Variants in FRMD8 observed in about 807,000 individuals in gnomAD.
The protein encoded by FRMD8 is FERM domain containing 8.
FRMD8 carries 37 observed loss-of-function variants against 54.2 expected under a neutral mutation model. The ratio of observed to expected loss-of-function variants is 0.68; its 90% CI spans 0.53 to 0.90. The LOEUF (loss-of-function observed/expected upper bound fraction) is 0.90. Among genes scored for constraint, FRMD8 ranks in the 40% least tolerant of loss-of-function variants. The pLI, the probability that FRMD8 is intolerant of heterozygous loss-of-function variation, is 0.00. For missense variants in FRMD8, 585 were observed against 653.7 expected (o/e 0.89, Z 1.15); for synonymous variants, 246 against 286.9 (o/e 0.86, Z 1.44).
the FRMD8 span, chr11:65,380,616 C>T: frequency 4.4e-5 from 57 of 1,292,332 alleles, no homozygotes; most frequent in Middle Eastern, 4.2e-4. Flanking sequence ...CAGCTGGCCA[C>T]GCAGAACTGC....
At chr11:65,388,635 T>C (rs924105206) in intron 2 of FRMD8, among the ~76,000 whole-genome samples, 2 of 152,120 alleles carry the variant, frequency 1.3e-5, no homozygotes, top group Admixed American at 1.3e-4. Flanking sequence ...CTCTTCCAGG[T>C]GTCTCCATTT....
At chr11:65,381,586 GT>G in the FRMD8 span, 1 of 13,524 alleles carries the variant, frequency 7.4e-5, no homozygotes, top group African/African-American at 2.4e-4. Flanking sequence ...TTTTTTTTTT[GT>G]GGCAGGGTCT....
rs146012466 is a variant in FRMD8 at position 65,405,138 on chromosome 11, G to A, written c.1276+70G>A. On this transcript the variant is annotated intron_variant, in intron 10 of 10. Transcript: ENST00000317568. ...CGTGCACACACCGGGGGGAGTTCCT[G>A]AGGACAGGGCATTGCAGAGCAGCTC... The A allele has an allele frequency of 5.0e-5, 73 of 1,461,732 alleles. 1 individual carries two copies. In the East Asian group the frequency reaches 1.6e-3, roughly 33 times the overall value. 90.5% of individuals were successfully genotyped at this position (1,461,732 alleles called of 1,614,324 possible). A position where few individuals can be genotyped will look rare whatever the true frequency, so the allele number is the denominator to read the frequency against.
Position 65,394,244 on chromosome 11 carries a change from CA to C in FRMD8, c.415-14del, listed in dbSNP as rs779420725. On this transcript the variant is annotated splice_polypyrimidine_tract_variant and intron_variant, in intron 5 of 10. Coordinates refer to ENST00000317568, the MANE Select transcript of FRMD8 (RefSeq NM_031904.5). ...AGCCCAGCTGAGCGGCTGTCCCTGC[CA>C]CACCCCCCTGCAGATCCATGACGAG... The C allele has an allele frequency of 6.3e-6, 10 of 1,598,944 alleles. No individual in the cohort carries two copies. Among genetic ancestry groups the C allele is most frequent in the African/African-American group, 4.0e-5 (3 of 74,350 alleles).
At chr11:65,379,297 G>T in the FRMD8 span, 1 of 1,532,696 alleles carries the variant, frequency 6.5e-7, no homozygotes, top group African/African-American at 1.4e-5. Context: ...GCTGTGGGTC[G>T]CCAGGGCAGG....
At chr11:65,407,815 C>T (rs1361548819) in intron 10 of FRMD8, among the ~76,000 whole-genome samples, 9 of 146,712 alleles carry the variant, frequency 6.1e-5, no homozygotes, top group African/African-American at 2.0e-4. Flanking sequence ...ACCTGGGAGG[C>T]GGAGCTTGCA....
chr11:65,396,538 G>A (rs897467187), intron 6 of FRMD8, among the ~76,000 whole-genome samples: 9 of 152,148 alleles, frequency 5.9e-5, no homozygotes, highest in African/African-American at 2.2e-4. Flanking sequence ...GCGCAGGACA[G>A]GAGGTGCCTC....
chr11:65,376,769 C>T, the FRMD8 span: 10 of 1,613,966 alleles, frequency 6.2e-6, no homozygotes, highest in African/African-American at 9.3e-5. Context: ...CTGGACCCTG[C>T]CTGCTACCCA....
At chr11:65,384,264 A>G (rs2137843254), upstream of FRMD8, among the ~76,000 whole-genome samples, 1 of 152,086 alleles carries the variant, frequency 6.6e-6, no homozygotes, top group South Asian at 2.1e-4. Flanking sequence ...GGCCTCCCCC[A>G]TGGTGCCACC....
Position 65,394,290 on chromosome 11 carries a change from A to C in FRMD8, c.446A>C (p.Tyr149Ser), listed in dbSNP as rs762560680. Residue 149 changes from tyrosine to serine, a missense_variant, in exon 6 of 11, where the codon TAT (tyrosine) becomes TCT (serine). Transcript: ENST00000317568. ...IHDEEVLRLL[Y>S]EEAKGNVLAA... ...GACGAGGAGGTCCTGCGGCTGCTCT[A>C]TGAGGAGGCCAAGGGCAACGTGCTG... 1.5e-5 allele frequency: 24 copies of C among 1,596,920 alleles called. No homozygotes were observed. Among genetic ancestry groups the C allele is most frequent in the Non-Finnish European group, 2.0e-5 (23 of 1,172,190 alleles).
chr11:65,371,819 T>C, the FRMD8 span, among the ~76,000 whole-genome samples: 2 of 152,124 alleles, frequency 1.3e-5, no homozygotes, highest in South Asian at 2.1e-4. Context: ...TTTCACTGTG[T>C]TAGCCAGGAT....
At position 65,404,856 on chromosome 11, in the gene FRMD8, C is replaced by G. The variant is rs1435747917; in HGVS notation, c.1072-8C>G. 1 of 1,607,558 alleles carries G rather than the reference C, an allele frequency of 6.2e-7. No individual in the cohort carries two copies. Among genetic ancestry groups the G allele is most frequent in the African/African-American group, 1.3e-5 (1 of 74,830 alleles). ...TGGCCAGGCCTCACACTGCCCCCTC[C>G]TCCCCAGGCCGAACTGATGAGCAGT... On this transcript the variant is annotated splice_polypyrimidine_tract_variant and splice_region_variant and intron_variant, in intron 9 of 10. Coordinates refer to ENST00000317568, the MANE Select transcript of FRMD8 (RefSeq NM_031904.5). The surrounding 1 kb of genome is among the most constrained non-coding windows in gnomAD (Gnocchi z 4.7).
chr11:65,390,965 G>A (rs538285333), intron 3 of FRMD8, among the ~76,000 whole-genome samples: 21 of 152,376 alleles, frequency 1.4e-4, no homozygotes, highest in African/African-American at 4.6e-4. Context: ...CCCAGGCTGG[G>A]TTCAGGGAGG....
intron 3 of FRMD8, among the ~76,000 whole-genome samples, chr11:65,391,167 C>T (rs752687137): frequency 2.6e-5 from 4 of 152,244 alleles, no homozygotes; most frequent in South Asian, 2.1e-4. Context: ...TTCTCAATGT[C>T]GTTGTCACTC....
chr11:65,380,210 C>G, the FRMD8 span: 1 of 1,614,008 alleles, frequency 6.2e-7, no homozygotes, highest in African/African-American at 1.3e-5. Flanking sequence ...AGTGAGGGCC[C>G]TCGTGCCAGG....
chr11:65,386,259 G>C (rs1377534052), upstream of FRMD8, among the ~76,000 whole-genome samples: 1 of 152,186 alleles, frequency 6.6e-6, no homozygotes, highest in African/African-American at 2.4e-5. Context: ...CCACTGCCGA[G>C]AGCGCCACGG....
the FRMD8 span, among the ~76,000 whole-genome samples, chr11:65,373,980 A>AT: frequency 9.9e-5 from 15 of 152,238 alleles, no homozygotes; most frequent in Admixed American, 7.2e-4. Context: ...CTGAGTCAGG[A>AT]TGAAGCTTGC....
Position 65,400,483 on chromosome 11 carries a change from G to A in FRMD8, c.928-241G>A, listed in dbSNP as rs1049623016. Among the ~76,000 whole-genome samples the A allele has an allele frequency of 7.9e-5, 12 of 152,270 alleles. No individual in the cohort carries two copies. Among genetic ancestry groups the A allele is most frequent in the African/African-American group, 2.2e-4 (9 of 41,546 alleles). ...GCCTCCTCCCCCACGTGCCTCCCCCGCTGTCAGGGGCTTGGCCTGCTGGTG... is the reference window on the plus strand; with the variant it reads ...GCCTCCTCCCCCACGTGCCTCCCCCACTGTCAGGGGCTTGGCCTGCTGGTG... On this transcript the variant is annotated intron_variant, in intron 8 of 10. Transcript: ENST00000317568. The surrounding 1 kb of genome is among the most constrained non-coding windows in gnomAD (Gnocchi z 4.3).
At chr11:65,395,809 A>G (rs1354781929) in intron 6 of FRMD8, among the ~76,000 whole-genome samples, 1 of 152,254 alleles carries the variant, frequency 6.6e-6, no homozygotes, top group Non-Finnish European at 1.5e-5. Flanking sequence ...CCACCAGTTC[A>G]GAAATCCCAA....
Sources: gnomAD v4.1 joint callset for allele counts (sites outside exome capture counted in the v4.1 genomes callset) on GRCh38, gnomAD v4.1.1 for gene constraint, Gnocchi (gnomAD v3.1) non-coding constraint, MANE v1.5 for transcripts, NCBI Gene and HGNC (gene_info 2026-07-23, HGNC 2026-07-21) for gene names.